The following OCIAD2 variants were observed in gnomAD, a reference collection of about 807,000 sequenced individuals.
OCIAD2 encodes the protein OCIA domain containing 2.
Under a neutral mutation model 22.9 loss-of-function variants are expected in OCIAD2, and 29 were observed. The ratio of observed to expected loss-of-function variants is 1.27; its 90% confidence interval spans 0.94 to 1.73. The LOEUF is 1.73. Ranked by LOEUF, OCIAD2 falls within the 40% of genes most tolerant of loss-of-function variation. The pLI is 0.00. For synonymous variants in OCIAD2, 67 were observed against 60.2 expected (o/e 1.11, Z -0.52); for missense variants, 189 against 180.3 (o/e 1.05, Z -0.28).
rs1337675454 is a variant in OCIAD2 at position 48,885,267 on chromosome 4, G to T, written c.*217C>A. The T allele has an allele frequency of 8.0e-6, 4 of 502,632 alleles. No homozygotes were observed. The highest frequency in any genetic ancestry group is 5.9e-5 in the African/African-American group (3 of 50,796). 31.1% of individuals were successfully genotyped at this position (502,632 alleles called of 1,614,324 possible). A position where few individuals can be genotyped will look rare whatever the true frequency, so the allele number is the denominator to read the frequency against. On this transcript the variant is annotated 3_prime_UTR_variant, in exon 7 of 7. Coordinates refer to ENST00000508632, the MANE Select transcript of OCIAD2 (RefSeq NM_001014446.3). Reference sequence around the variant, plus strand: ...GCCTCCCAAAGTACTGGGATTACAGGCATGAGCCACTGCGCCATGCCCCGA... The same window carrying T: ...GCCTCCCAAAGTACTGGGATTACAGTCATGAGCCACTGCGCCATGCCCCGA...
chr4:48,903,315 A>G (rs1457508131), intron 2 of OCIAD2, among the ~76,000 whole-genome samples: 2 of 152,204 alleles, frequency 1.3e-5, no homozygotes. Context: ...ACCTGTCAGC[A>G]GCATAGGATT....
chr4:48,894,424 C>T (rs891758837), intron 4 of OCIAD2, among the ~76,000 whole-genome samples: 9 of 151,878 alleles, frequency 5.9e-5, no homozygotes, highest in Non-Finnish European at 8.8e-5. Context: ...ACCCAGGAGG[C>T]GGAGGTTGCA....
At chr4:48,897,954 C>T (rs1781336570) in intron 3 of OCIAD2, 97 bp from the exon 4 acceptor site, 1 of 792,620 alleles carries the variant, frequency 1.3e-6, no homozygotes, top group Non-Finnish European at 2.2e-6. Flanking sequence ...CTCTTACCTT[C>T]CTTGGCAGTG....
intron 4 of OCIAD2, among the ~76,000 whole-genome samples, chr4:48,895,305 G>A (rs1285657583): frequency 2.0e-5 from 3 of 152,140 alleles, no homozygotes; most frequent in South Asian, 2.1e-4. Context: ...ATCAAACTCT[G>A]AAAAAAATGT....
chr4:48,899,862 G>C lies in OCIAD2; in HGVS notation c.130C>G (p.Arg44Gly), dbSNP rs755681745. Residue 44 changes from arginine (R) to glycine (G), a missense_variant, in exon 3 of 7, where the codon CGA (arginine) becomes GGA (glycine). Transcript: ENST00000508632. ...CAGAAACTTTCTTCCTGACATTCTC[G>C]CATAATCTTTGAGATCTCTGCTCTG... ...IHRAEISKIM[R>G]ECQEESFWKR... is the part of the protein sequence containing the mutation. The C allele has an allele frequency of 1.2e-6, 2 of 1,613,402 alleles. No homozygotes were observed. The highest frequency in any genetic ancestry group is 8.5e-7 in the Non-Finnish European group (1 of 1,179,706).
chr4:48,885,766 A>G (rs1419743065), intron 6 of OCIAD2, among the ~76,000 whole-genome samples: 1 of 152,224 alleles, frequency 6.6e-6, no homozygotes. Context: ...GACTACAGGC[A>G]TGAACCACTG....
chr4:48,886,623 G>C (rs1248106755), intron 6 of OCIAD2, among the ~76,000 whole-genome samples: 1 of 151,980 alleles, frequency 6.6e-6, no homozygotes, highest in Non-Finnish European at 1.5e-5. Flanking sequence ...AGCTTGCTGA[G>C]AATGATGGTT....
chr4:48,889,244 T>A (rs1292246012), intron 6 of OCIAD2, among the ~76,000 whole-genome samples: 1 of 152,214 alleles, frequency 6.6e-6, no homozygotes, highest in Admixed American at 6.5e-5. Context: ...TCTTTATTAG[T>A]CTTGCTAGCA....
intron 2 of OCIAD2, among the ~76,000 whole-genome samples, chr4:48,902,322 G>A (rs548182149): frequency 5.5e-4 from 83 of 152,236 alleles, no homozygotes; most frequent in Non-Finnish European, 9.9e-4. Flanking sequence ...CACTTTGTAT[G>A]GGCCTGGTCC....
intron 6 of OCIAD2, among the ~76,000 whole-genome samples, chr4:48,886,698 T>C (rs897848737): frequency 2.6e-5 from 4 of 152,168 alleles, no homozygotes; most frequent in African/African-American, 9.7e-5. Context: ...TGCATAGTAT[T>C]CCATGGTGTA....
intron 4 of OCIAD2, among the ~76,000 whole-genome samples, chr4:48,896,961 GT>G (rs2109677224): frequency 6.6e-6 from 1 of 152,268 alleles, no homozygotes; most frequent in Non-Finnish European, 1.5e-5. Flanking sequence ...GCAGGGAGAG[GT>G]TATGTGGTGA....
intron 6 of OCIAD2, among the ~76,000 whole-genome samples, chr4:48,888,502 T>C (rs1363842562): frequency 2.0e-5 from 3 of 152,226 alleles, no homozygotes; most frequent in African/African-American, 7.2e-5. Context: ...TATTTTGAGA[T>C]ACATCCCATC....
intron 5 of OCIAD2, chr4:48,893,142 C>T: frequency 4.1e-6 from 1 of 244,440 alleles, no homozygotes; most frequent in East Asian, 7.8e-5. Context: ...GACAGATGGC[C>T]AGAGAGGGCC....
chr4:48,886,687 C>T (rs1488910514), intron 6 of OCIAD2, among the ~76,000 whole-genome samples: 1 of 152,154 alleles, frequency 6.6e-6, no homozygotes, highest in Admixed American at 6.5e-5. Context: ...TTTTTTATGG[C>T]TGCATAGTAT....
rs1780947636 is a variant in OCIAD2 at position 48,885,249 on chromosome 4, A to G, written c.*235T>C. 2.4e-6 allele frequency: 1 copy of G among 417,328 alleles called. No homozygotes were observed. The allele number at this position is 417,328 out of a possible 1,614,324, so 25.9% of individuals were successfully genotyped here. On this transcript the variant is annotated 3_prime_UTR_variant, in exon 7 of 7. Transcript: ENST00000508632. Reference sequence around the variant, plus strand: ...AATGATCTGCCTGCCTCGGCCTCCCAAAGTACTGGGATTACAGGCATGAGC... The same window carrying G: ...AATGATCTGCCTGCCTCGGCCTCCCGAAGTACTGGGATTACAGGCATGAGC...
chr4:48,898,443 C>A (rs1419799379), intron 3 of OCIAD2, among the ~76,000 whole-genome samples: 1 of 152,162 alleles, frequency 6.6e-6, no homozygotes, highest in Non-Finnish European at 1.5e-5. Context: ...TGTTTCCCTA[C>A]ACAATTACAC....
chr4:48,905,223 GCAAA>G (rs1781499898), intron 1 of OCIAD2, among the ~76,000 whole-genome samples: 1 of 152,106 alleles, frequency 6.6e-6, no homozygotes, highest in Non-Finnish European at 1.5e-5. Flanking sequence ...GCCTGTGGGG[GCAAA>G]CAGTGGAATT....
Position 48,885,507 on chromosome 4 carries a change from C to G in OCIAD2, c.442G>C (p.Asp148His), listed in dbSNP as rs748230482. Residue 148 changes from aspartate to histidine, a missense_variant, in exon 7 of 7, where the codon GAC becomes CAC. Transcript: ENST00000508632. ...ATTTAGGAAGCTGAAGGCTGAGAGT[C>G]TCCCTTCTCACTTAATCCATGCTTT... ...KIKHGLSEKGDSQPSAS is the reference protein window; with the variant it reads ...KIKHGLSEKGHSQPSAS The G allele has an allele frequency of 1.2e-6, 2 of 1,608,636 alleles. No individual in the cohort carries two copies. The highest frequency in any genetic ancestry group is 1.7e-6 in the Non-Finnish European group (2 of 1,174,948).
chr4:48,904,761 T>A lies in OCIAD2; in HGVS notation c.-62-150A>T. 8.3e-6 allele frequency: 5 copies of A among 605,084 alleles called. 1 individual carries two copies. In the South Asian group the frequency reaches 9.7e-5, roughly 12 times the overall value. 37.5% of individuals were successfully genotyped at this position (605,084 alleles called of 1,614,324 possible). On this transcript the variant is annotated intron_variant, in intron 1 of 6. Coordinates refer to ENST00000508632, the MANE Select transcript of OCIAD2 (RefSeq NM_001014446.3). ...CAAACTCAACTTCCAGTGCTCCTCT[T>A]CCACCAGCACACATACATGCACTCA...
Sources: allele counts gnomAD v4.1 joint callset (sites outside exome capture counted in the v4.1 genomes callset), GRCh38; gene constraint gnomAD v4.1.1; transcripts MANE v1.5; gene names NCBI Gene and HGNC (gene_info 2026-07-23, HGNC 2026-07-21).